Variants in NPIPB6 observed in about 807,000 individuals in gnomAD.
NPIPB6 encodes the protein nuclear pore complex interacting protein family member B6.
Under a neutral mutation model 20.0 loss-of-function variants are expected in NPIPB6, and 2 were observed. The ratio of observed to expected loss-of-function variants is 0.10; its 90% CI spans 0.04 to 0.31. NPIPB6 has a LOEUF of 0.31. Ranked by LOEUF, NPIPB6 falls within the 10% of genes least tolerant of loss-of-function variation. The probability of loss-of-function intolerance (pLI) is 1.00; values close to 1 mark genes in which losing one functional copy is unlikely to be tolerated. For synonymous variants in NPIPB6, 35 were observed against 116.3 expected (o/e 0.30, Z 4.50); for missense variants, 96 against 293.7 (o/e 0.33, Z 4.92).
At chr16:28,358,880 G>C (rs1439221022) in intron 1 of NPIPB6, among the ~76,000 whole-genome samples, 2 of 150,862 alleles carry the variant, frequency 1.3e-5, no homozygotes, top group East Asian at 4.0e-4. Context: ...TTAGGAGTTC[G>C]AGACCAGCCT....
rs1269580576 is a variant in NPIPB6 at position 28,355,899 on chromosome 16, A to G, written c.121-2838T>C. Among the ~76,000 whole-genome samples, 65 of 119,522 alleles carry G rather than the reference A, an allele frequency of 5.4e-4. 9 individuals are homozygous for G. Among genetic ancestry groups the G allele is most frequent in the African/African-American group, 1.3e-3 (46 of 34,438 alleles). The allele number at this position is 119,522 out of a possible 152,430, so 78.4% of individuals were successfully genotyped here. ...CGCGGTGGCTCACGCCTGTAATCCC[A>G]GCACTGGGAGGCCGAGGCAGGCAGA... On this transcript the variant is annotated intron_variant, in intron 1 of 6. Coordinates refer to ENST00000532254, the Ensembl canonical transcript of NPIPB6.
intron 1 of NPIPB6, among the ~76,000 whole-genome samples, chr16:28,359,945 C>T (rs1451519799): frequency 6.6e-6 from 1 of 150,390 alleles, no homozygotes; most frequent in African/African-American, 2.4e-5. Context: ...TGCCCTGTCC[C>T]TTGCCTCATG....
intron 2 of NPIPB6, among the ~76,000 whole-genome samples, chr16:28,349,561 A>T (rs1256266108): frequency 9.0e-4 from 88 of 97,806 alleles, no homozygotes; most frequent in Admixed American, 6.9e-3. Flanking sequence ...ACACACACAC[A>T]CACACACACA....
intron 1 of NPIPB6, among the ~76,000 whole-genome samples, chr16:28,359,864 T>C (rs1446407844): frequency 6.6e-6 from 1 of 152,228 alleles, no homozygotes; most frequent in Non-Finnish European, 1.5e-5. Flanking sequence ...GTGGCAGGTG[T>C]AGGATCATCT....
At chr16:28,358,893 C>T (rs2045366726) in intron 1 of NPIPB6, among the ~76,000 whole-genome samples, 1 of 150,880 alleles carries the variant, frequency 6.6e-6, no homozygotes, top group Non-Finnish European at 1.5e-5. Flanking sequence ...ACCAGCCTGA[C>T]CAACATGGTG....
Position 28,359,014 on chromosome 16 carries a change from G to A in NPIPB6, c.120+3689C>T, listed in dbSNP as rs868836710. On this transcript the variant is annotated intron_variant, in intron 1 of 6. Transcript: ENST00000532254. ...GGACAATCCCTTGGACCCGGGAGGC[G>A]GAGGTTGCAGTGAGCCGAGATCGTA... Among the ~76,000 whole-genome samples the A allele has an allele frequency of 3.4e-3, 405 of 120,868 alleles. 9 individuals are homozygous for A. The highest frequency in any genetic ancestry group is 7.2e-3 in the South Asian group (28 of 3,866). The allele number at this position is 120,868 out of a possible 152,430, so 79.3% of individuals were successfully genotyped here. A position where few individuals can be genotyped will look rare whatever the true frequency, so the allele number is the denominator to read the frequency against.
chr16:28,347,350 GA>G (rs1307740142), intron 4 of NPIPB6, among the ~76,000 whole-genome samples: 1 of 116,688 alleles, frequency 8.6e-6, no homozygotes, highest in African/African-American at 2.7e-5. Context: ...GTCTGCCAAT[GA>G]AAGCGACCCG....
intron 4 of NPIPB6, among the ~76,000 whole-genome samples, chr16:28,347,966 C>T (rs1200818274): frequency 1.7e-5 from 2 of 118,822 alleles, no homozygotes; most frequent in African/African-American, 2.9e-5. Flanking sequence ...AAAAATTATC[C>T]GGGCATGGTG....
intron 1 of NPIPB6, among the ~76,000 whole-genome samples, chr16:28,359,484 GC>G (rs2045380677): frequency 7.1e-6 from 1 of 141,316 alleles, no homozygotes; most frequent in Non-Finnish European, 1.5e-5. Context: ...CTGCATGCAT[GC>G]AAAGACCGTC....
In NPIPB6 at chr16:28,342,786, C is replaced by T. The variant is rs543198032; in HGVS notation, c.1099G>A (p.Glu367Lys). The T allele has an allele frequency of 4.4e-6, 7 of 1,595,560 alleles. No homozygotes were observed. The East Asian group carries it at 6.9e-5, about 16-fold the overall frequency. ...TTGGGTTTCGGTGATTGTTCCACCT[C>T]ATCCACCCTCCACCTCTTGGGTTTG... The change falls in exon 7 of 7, where the codon GAG becomes AAG. Residue 367 changes from glutamate to lysine, a missense_variant. Coordinates refer to ENST00000532254, the Ensembl canonical transcript of NPIPB6.
chr16:28,355,976 C>T (rs895921177), intron 1 of NPIPB6, among the ~76,000 whole-genome samples: 1 of 108,344 alleles, frequency 9.2e-6, no homozygotes, highest in African/African-American at 3.2e-5. Flanking sequence ...GAAACCCCGT[C>T]TCTACTAAAA....
At chr16:28,349,925 G>A (rs2045189967) in intron 2 of NPIPB6, among the ~76,000 whole-genome samples, 1 of 104,928 alleles carries the variant, frequency 9.5e-6, no homozygotes, top group South Asian at 2.8e-4. Flanking sequence ...GAGCCCAGGT[G>A]CGGTAGCTCA....
chr16:28,349,493 G>T lies in NPIPB6; in HGVS notation c.304-252C>A, dbSNP rs2141615552. On this transcript the variant is annotated intron_variant, in intron 2 of 6. Transcript: ENST00000532254. ...TTGAAGCTGGGAGGCGGAGGTTGCA[G>T]TGAGCCGAGATCACACCACTGCACT... is the stretch of plus-strand genomic sequence containing the variant. 1.9e-5 allele frequency among the ~76,000 whole-genome samples: 2 copies of T among 107,052 alleles called. 1 individual carries two copies. Among genetic ancestry groups the T allele is most frequent in the Middle Eastern group, 8.1e-3 (2 of 246 alleles). 70.2% of individuals were successfully genotyped at this position (107,052 alleles called of 152,430 possible).
chr16:28,355,760 A>AAAAT (rs1167712517), intron 1 of NPIPB6, among the ~76,000 whole-genome samples: 186 of 128,784 alleles, frequency 1.4e-3, no homozygotes, highest in African/African-American at 4.8e-3. Context: ...CTGTCTCAAA[A>AAAAT]AAATAAATAA....
chr16:28,346,240 A>T, intron 4 of NPIPB6: 1 of 809,808 alleles, frequency 1.2e-6, no homozygotes, highest in Non-Finnish European at 1.5e-6. Context: ...TCAGTGTGAA[A>T]AACCAGACCT....
At chr16:28,356,670 G>A in intron 1 of NPIPB6, 1 of 333,018 alleles carries the variant, frequency 3.0e-6, no homozygotes, top group South Asian at 2.1e-5. Flanking sequence ...GCAGGGGGGA[G>A]GGAAGGGGAC....
At chr16:28,348,584 AAGAG>A (rs1555461382) in intron 4 of NPIPB6, among the ~76,000 whole-genome samples, 1 of 108,634 alleles carries the variant, frequency 9.2e-6, no homozygotes, top group African/African-American at 3.0e-5. Flanking sequence ...GAAAAAAAAA[AAGAG>A]AGAGAGAAAG....
At chr16:28,350,168 G>A (rs1328526223) in intron 2 of NPIPB6, among the ~76,000 whole-genome samples, 1 of 103,698 alleles carries the variant, frequency 9.6e-6, no homozygotes, top group African/African-American at 3.2e-5. Context: ...CTGCACTCCA[G>A]CCTGGTGACA....
chr16:28,342,852 G>A (rs1290132689), exon 7 of NPIPB6: 1 of 1,565,486 alleles, frequency 6.4e-7, no homozygotes, highest in Non-Finnish European at 8.7e-7. Context: ...GCTAAGGGAG[G>A]AGTCTTGAGA....
Sources: allele counts gnomAD v4.1 joint callset (sites outside exome capture counted in the v4.1 genomes callset), GRCh38; gene constraint gnomAD v4.1.1; transcripts MANE v1.5; gene names NCBI Gene and HGNC (gene_info 2026-07-23, HGNC 2026-07-21).